The following APOD variants were observed in gnomAD, a reference collection of about 807,000 sequenced individuals.
APOD encodes apolipoprotein D, also known as apo-D.
APOD carries 22 observed loss-of-function variants against 20.4 expected under a neutral mutation model. The observed-to-expected ratio is 1.08, with a 90% CI of 0.77 to 1.54. APOD has a LOEUF of 1.54. Ranked by LOEUF, APOD falls within the 40% of genes most tolerant of loss-of-function variation. The pLI is 0.00. For synonymous variants in APOD, 97 were observed against 92.4 expected, an observed-to-expected ratio of 1.05 and a Z score of -0.29; for missense variants, 223 against 229.6, an observed-to-expected ratio of 0.97 and a Z score of 0.19.
intron 3 of APOD, 61 bp from the exon 4 acceptor site, chr3:195,571,426 A>C: frequency 2.0e-6 from 3 of 1,489,022 alleles, no homozygotes; most frequent in Non-Finnish European, 1.8e-6. Context: ...AAAACAACTC[A>C]TTGAAAGCCA....
chr3:195,568,882 C>G lies in APOD; in HGVS notation c.*18G>C. The G allele has an allele frequency of 6.3e-7, 1 of 1,580,186 alleles. No individual in the cohort carries two copies. Among genetic ancestry groups the G allele is most frequent in the Non-Finnish European group, 8.7e-7 (1 of 1,149,874 alleles). Reference sequence around the variant, plus strand: ...CAGAAGTAACATGGAGTGGGTGCAGCCTCCCTGTAGAACCTGGTTACGAGA... The same window carrying G: ...CAGAAGTAACATGGAGTGGGTGCAGGCTCCCTGTAGAACCTGGTTACGAGA... On this transcript the variant is annotated 3_prime_UTR_variant, in exon 5 of 5. Coordinates refer to ENST00000343267, the MANE Select transcript of APOD (RefSeq NM_001647.4).
At chr3:195,581,196 C>A (rs754034328) in intron 1 of APOD, among the ~76,000 whole-genome samples, 1 of 152,180 alleles carries the variant, frequency 6.6e-6, no homozygotes, top group African/African-American at 2.4e-5. Context: ...GGAGTGGCAG[C>A]TTGCCAGCTG....
chr3:195,574,563 T>C (rs1283489138), intron 2 of APOD, among the ~76,000 whole-genome samples: 2 of 152,196 alleles, frequency 1.3e-5, no homozygotes. Flanking sequence ...CTGGCACGCG[T>C]TGCAGGGAGA....
intron 1 of APOD, 83 bp from the exon 2 acceptor site, chr3:195,579,578 G>T: frequency 2.8e-6 from 4 of 1,446,850 alleles, no homozygotes; most frequent in Non-Finnish European, 3.7e-6. Flanking sequence ...CTGTGCCCAT[G>T]GTCCCCTCTG....
intron 2 of APOD, among the ~76,000 whole-genome samples, chr3:195,576,815 C>T (rs1720255913): frequency 6.6e-6 from 1 of 150,710 alleles, no homozygotes; most frequent in Non-Finnish European, 1.5e-5. Flanking sequence ...GTCACACACA[C>T]ACAAAAATAT....
chr3:195,572,457 TG>T (rs1473210067), intron 3 of APOD, among the ~76,000 whole-genome samples: 4 of 152,192 alleles, frequency 2.6e-5, no homozygotes, highest in Non-Finnish European at 5.9e-5. Flanking sequence ...TATAACGCAG[TG>T]GTGTGTCTTA....
chr3:195,573,723 T>C (rs1720203564), intron 3 of APOD, 127 bp downstream of exon 3: 2 of 1,261,546 alleles, frequency 1.6e-6, no homozygotes, highest in Admixed American at 4.8e-5. Flanking sequence ...TTCCTCTCAA[T>C]TCCTGCTAGG....
Position 195,580,366 on chromosome 3 carries a change from TTC to T in APOD, c.-34-873_-34-872del, listed in dbSNP as rs1172815759. Among the ~76,000 whole-genome samples, 16 of 27,398 alleles carry T rather than the reference TTC, an allele frequency of 5.8e-4. No homozygotes were observed. The East Asian group carries it at 0.029, about 50-fold the overall frequency. The allele number at this position is 27,398 out of a possible 152,430, so 18.0% of individuals were successfully genotyped here. ...TTTCTTTTCTTTTCTTCTTTCTTTC[TTC>T]TTTTTTTTTTTTTGACATTCTGTTG... is the stretch of plus-strand genomic sequence containing the variant. On this transcript the variant is annotated intron_variant, in intron 1 of 4. Coordinates refer to ENST00000343267, the MANE Select transcript of APOD (RefSeq NM_001647.4).
At chr3:195,572,048 T>C (rs966754131) in intron 3 of APOD, among the ~76,000 whole-genome samples, 1 of 152,230 alleles carries the variant, frequency 6.6e-6, no homozygotes, top group Non-Finnish European at 1.5e-5. Context: ...CCCAAAGTGC[T>C]GGGATTACAG....
intron 2 of APOD, 76 bp from the exon 3 acceptor site, chr3:195,574,047 C>G: frequency 1.3e-6 from 2 of 1,576,536 alleles, no homozygotes; most frequent in Non-Finnish European, 1.7e-6. Flanking sequence ...GTCGTGCAGA[C>G]GCAGAGCCCT....
At position 195,571,303 on chromosome 3, in the gene APOD, G is replaced by A. The variant is rs757886528; in HGVS notation, c.308C>T (p.Ala103Val). 1 of 1,614,096 alleles carries A rather than the reference G, an allele frequency of 6.2e-7. No homozygotes were observed. The highest frequency in any genetic ancestry group is 2.2e-5 in the East Asian group (1 of 44,884). ...EATPVNLTEP[A>V]KLEVKFSWFM... is the part of the protein sequence containing the mutation. The stretch of plus-strand genomic sequence containing the variant: ...CCAGGAAAACTTAACTTCCAGCTTG[G>A]CAGGCTCTGTGAGGTTAACTGGGGT... Residue 103 changes from alanine to valine, a missense_variant, in exon 4 of 5, where the codon GCC (alanine) becomes GTC (valine). Physicochemically the swap from Ala to Val is moderately conservative, Grantham distance 64. Transcript: ENST00000343267.
chr3:195,581,196 CT>C, intron 1 of APOD, among the ~76,000 whole-genome samples: 1 of 152,180 alleles, frequency 6.6e-6, no homozygotes, highest in East Asian at 1.9e-4. Context: ...GGAGTGGCAG[CT>C]TGCCAGCTGG....
At chr3:195,575,920 C>T (rs1433625861) in intron 2 of APOD, among the ~76,000 whole-genome samples, 2 of 152,186 alleles carry the variant, frequency 1.3e-5, no homozygotes, top group Non-Finnish European at 2.9e-5. Flanking sequence ...GCCACCGCGC[C>T]TGGCCTATTC....
chr3:195,578,523 G>T (rs982469932), intron 2 of APOD, among the ~76,000 whole-genome samples: 6 of 152,126 alleles, frequency 3.9e-5, no homozygotes, highest in Non-Finnish European at 7.4e-5. Context: ...GCAACAGTGG[G>T]AGCCTGTGAG....
chr3:195,583,522 C>T (rs568148939), intron 1 of APOD, among the ~76,000 whole-genome samples: 5 of 152,268 alleles, frequency 3.3e-5, no homozygotes, highest in East Asian at 3.9e-4. Context: ...TGCGATGCAC[C>T]GTTGGACAGC....
intron 2 of APOD, chr3:195,577,258 G>T: frequency 3.6e-6 from 1 of 279,354 alleles, no homozygotes; most frequent in Non-Finnish European, 7.0e-6. Context: ...TAAAATATTT[G>T]GGAATAAATT....
rs765290794 is a variant in APOD, at chr3:195,568,988, T to G, written c.482A>C (p.Asp161Ala). The G allele has an allele frequency of 6.2e-6, 10 of 1,613,746 alleles. No homozygotes were observed. The highest frequency in any genetic ancestry group is 8.5e-6 in the Non-Finnish European group (10 of 1,179,938). ...AGAAGTCAGGATATTTTTTAGAGAG[T>G]CCACTGTTTCTGGAGGGAGATTAGG... is the stretch of plus-strand genomic sequence containing the variant. ...RNPNLPPETV[D>A]SLKNILTSNN... The change falls in exon 5 of 5, where the codon GAC becomes GCC. Residue 161 changes from aspartate (D) to alanine (A), a missense_variant. Asp to Ala is a moderately radical substitution (Grantham distance 126). Transcript: ENST00000343267.
rs924390379 is a variant in APOD at position 195,568,846 on chromosome 3, G to A, written c.*54C>T. The stretch of plus-strand genomic sequence containing the variant: ...TTTGTCTTTATGGGGGGGGGGTAGG[G>A]GAAAGCGAAGCAGAAGTAACATGGA... On this transcript the variant is annotated 3_prime_UTR_variant, in exon 5 of 5. Coordinates refer to ENST00000343267, the MANE Select transcript of APOD (RefSeq NM_001647.4). 1.6e-6 allele frequency: 2 copies of A among 1,235,180 alleles called. No individual in the cohort carries two copies. The highest frequency in any genetic ancestry group is 1.2e-5 in the South Asian group (1 of 81,748). 76.5% of individuals were successfully genotyped at this position (1,235,180 alleles called of 1,614,324 possible).
At chr3:195,575,226 A>G (rs944536659) in intron 2 of APOD, among the ~76,000 whole-genome samples, 1 of 152,236 alleles carries the variant, frequency 6.6e-6, no homozygotes, top group African/African-American at 2.4e-5. Context: ...CTCTTATGCC[A>G]TCATCAAACC....
Sources: gnomAD v4.1 joint callset for allele counts (sites outside exome capture counted in the v4.1 genomes callset) on GRCh38, gnomAD v4.1.1 for gene constraint, MANE v1.5 for transcripts, NCBI Gene and HGNC (gene_info 2026-07-23, HGNC 2026-07-21) for gene names.